IFT140: variants seen among roughly 807,000 people sequenced by gnomAD.
The protein encoded by IFT140 is intraflagellar transport protein 140 homolog.
Under a neutral mutation model 164.6 loss-of-function variants are expected in IFT140, and 133 were observed. The observed-to-expected ratio is 0.81, with a 90% CI of 0.70 to 0.93. The LOEUF (loss-of-function observed/expected upper bound fraction) is 0.93, where lower values mean the gene tolerates loss of function less well. Among genes scored for constraint, IFT140 ranks in the 40% least tolerant of loss-of-function variants. The pLI, the probability that IFT140 is intolerant of heterozygous loss-of-function variation, is 0.00. For missense variants in IFT140, 2,045 were observed against 1,972.3 expected (o/e 1.04, Z -0.70); for synonymous variants, 860 against 817.3 (o/e 1.05, Z -0.89).
intron 18 of IFT140, 136 bp from the exon 19 acceptor site, chr16:1,558,270 C>T: frequency 2.5e-6 from 2 of 800,528 alleles, no homozygotes; most frequent in Non-Finnish European, 4.0e-6. Context: ...ACCAACAGGC[C>T]CAGTCCCTGC....
At position 1,513,362 on chromosome 16, in the gene IFT140, G is replaced by A. The variant is rs187239742; in HGVS notation, c.4183-2212C>T. The stretch of plus-strand genomic sequence containing the variant: ...AAATAAATACAAAAATTAGCTGGGC[G>A]TGGTGGCGGGAACCTGTAGTCCCAG... On this transcript the variant is annotated intron_variant, in intron 30 of 30. Transcript: ENST00000426508. 2.7e-3 allele frequency: 410 copies of A among 152,208 alleles called. 2 individuals carry two copies. Among genetic ancestry groups the A allele is most frequent in the Non-Finnish European group, 4.2e-3 (288 of 68,016 alleles). 9.4% of individuals were successfully genotyped at this position (152,208 alleles called of 1,614,324 possible).
At chr16:1,597,063 C>T (rs150515269) in intron 4 of IFT140, among the ~76,000 whole-genome samples, 3 of 152,096 alleles carry the variant, frequency 2.0e-5, no homozygotes, top group African/African-American at 7.2e-5. Context: ...GGGTGCATCA[C>T]GGCATCAGAG....
chr16:1,546,830 GTT>G (rs888887135), intron 19 of IFT140, among the ~76,000 whole-genome samples: 1 of 152,228 alleles, frequency 6.6e-6, no homozygotes, highest in African/African-American at 2.4e-5. Context: ...CTGTACTTGG[GTT>G]GAGTCATATC....
intron 17 of IFT140, among the ~76,000 whole-genome samples, chr16:1,563,172 C>A (rs2033512744): frequency 6.6e-6 from 1 of 152,082 alleles, no homozygotes; most frequent in Non-Finnish European, 1.5e-5. Context: ...GCGCCTCGGG[C>A]AGTGTCTTCC....
At chr16:1,555,942 A>C (rs917951344) in intron 19 of IFT140, among the ~76,000 whole-genome samples, 1 of 152,048 alleles carries the variant, frequency 6.6e-6, no homozygotes, top group Non-Finnish European at 1.5e-5. Flanking sequence ...TCTCTACTAA[A>C]AATCCAAAAA....
Position 1,553,550 on chromosome 16 carries a change from G to C in IFT140, c.2399+4385C>G, listed in dbSNP as rs898091515. 40 of 1,002,306 alleles carry C rather than the reference G, an allele frequency of 4.0e-5. No individual in the cohort carries two copies. The highest frequency in any genetic ancestry group is 4.6e-5 in the Non-Finnish European group (39 of 839,128). The allele number at this position is 1,002,306 out of a possible 1,614,324, so 62.1% of individuals were successfully genotyped here. ...GACAAGTCCTCTATGGACAAGAGGGGCTGGAGAGTTTAATCTGGACCAGTG... is the reference window on the plus strand; with the variant it reads ...GACAAGTCCTCTATGGACAAGAGGGCCTGGAGAGTTTAATCTGGACCAGTG... On this transcript the variant is annotated intron_variant, in intron 19 of 30. Transcript: ENST00000426508. This position sits in a 1 kb window ranked among gnomAD's most constrained non-coding sequence, Gnocchi z 4.4.
rs547412802 is a variant in IFT140 at position 1,565,459 on chromosome 16, G to C, written c.1901+702C>G. On this transcript the variant is annotated intron_variant, in intron 16 of 30. Coordinates refer to ENST00000426508, the MANE Select transcript of IFT140 (RefSeq NM_014714.4). ...TGTGGGAGAGGCAGGGGGAATCCAG[G>C]GGGGCTGGACAGAAGGGGTGTGTCT... is the stretch of plus-strand genomic sequence containing the variant. 1.2e-3 allele frequency among the ~76,000 whole-genome samples: 178 copies of C among 152,254 alleles called. 3 individuals are homozygous for C. The highest frequency in any genetic ancestry group is 3.9e-4 in the Admixed American group (6 of 15,306).
intron 6 of IFT140, among the ~76,000 whole-genome samples, chr16:1,590,890 C>T (rs2035145221): frequency 6.6e-6 from 1 of 152,150 alleles, no homozygotes; most frequent in Non-Finnish European, 1.5e-5. Flanking sequence ...CCAGGCCTCC[C>T]AGGTGACTGA....
intron 3 of IFT140, chr16:1,604,318 G>GTGTGTGTGT (rs765604573): frequency 0.031 from 2,054 of 67,296 alleles, 48 homozygotes; most frequent in Admixed American, 0.04. Context: ...TGTGTGTGTG[G>GTGTGTGTGT]AGGGGGGAGC....
Position 1,549,796 on chromosome 16 carries a change from T to C in IFT140, c.2399+8139A>G, listed in dbSNP as rs547033990. The stretch of plus-strand genomic sequence containing the variant: ...CATGACTCAGGGTTGGCCTGCCCTG[T>C]TCCCTCCTGCTTTGTGACGGTCCCT... On this transcript the variant is annotated intron_variant, in intron 19 of 30. Transcript: ENST00000426508. Among the ~76,000 whole-genome samples, 178 of 152,140 alleles carry C rather than the reference T, an allele frequency of 1.2e-3. 1 individual carries two copies. The highest frequency in any genetic ancestry group is 4.1e-4 in the Non-Finnish European group (28 of 67,990).
rs1368999723 is a variant in IFT140, at chr16:1,562,180, G to A, written c.2068-64C>T. ...TAACTTACATAAATTTCTGGGGTAT[G>A]AGTGCCATTTTGCTACACACACTGC... is the stretch of plus-strand genomic sequence containing the variant. On this transcript the variant is annotated intron_variant, in intron 17 of 30. Coordinates refer to ENST00000426508, the MANE Select transcript of IFT140 (RefSeq NM_014714.4). The A allele has an allele frequency of 2.1e-6, 3 of 1,441,176 alleles. No individual in the cohort carries two copies. The African/African-American group carries it at 4.3e-5, about 21-fold the overall frequency. The allele number at this position is 1,441,176 out of a possible 1,614,324, so 89.3% of individuals were successfully genotyped here. A position where few individuals can be genotyped will look rare whatever the true frequency, so the allele number is the denominator to read the frequency against.
chr16:1,558,507 G>A (rs2033228104), intron 18 of IFT140, among the ~76,000 whole-genome samples: 1 of 152,264 alleles, frequency 6.6e-6, no homozygotes, highest in Non-Finnish European at 1.5e-5. Context: ...CCTGGGCAGT[G>A]AGGCCCCGCA....
intron 11 of IFT140, 61 bp from the exon 12 acceptor site, chr16:1,583,447 C>A: frequency 7.3e-7 from 1 of 1,374,084 alleles, no homozygotes; most frequent in Non-Finnish European, 1.0e-6. Flanking sequence ...AACTGTACAC[C>A]CCACTGCACA....
intron 26 of IFT140, among the ~76,000 whole-genome samples, chr16:1,522,029 C>A (rs2040542751): frequency 6.6e-6 from 1 of 151,786 alleles, no homozygotes; most frequent in East Asian, 1.9e-4. Flanking sequence ...TCGAGACCAG[C>A]CTGACCAACA....
chr16:1,542,121 G>C (rs2031711323), intron 19 of IFT140: 1 of 1,522,202 alleles, frequency 6.6e-7, no homozygotes, highest in Non-Finnish European at 8.8e-7. Flanking sequence ...TGCCCCCTGT[G>C]GCCTTCTGGT....
At chr16:1,590,742 T>C (rs1489350528) in intron 6 of IFT140, among the ~76,000 whole-genome samples, 1 of 152,172 alleles carries the variant, frequency 6.6e-6, no homozygotes, top group East Asian at 1.9e-4. Flanking sequence ...TTTTTCCCGA[T>C]GGATAATGAG....
At position 1,520,667 on chromosome 16, in the gene IFT140, A is replaced by G; in HGVS notation, c.3595T>C (p.Cys1199Arg). Residue 1199 changes from cysteine to arginine, a missense_variant, in exon 27 of 31, where the codon TGC (cysteine) becomes CGC (arginine). Coordinates refer to ENST00000426508, the MANE Select transcript of IFT140 (RefSeq NM_014714.4). The part of the protein sequence containing the change: ...RELLEQIADC[C>R]MRQGSYHLAT... ...AGGTGGTAGCTGCCCTGGCGCATGC[A>G]GCAGTCTGCTATCTGCTCCAGCAGC... is the stretch of plus-strand genomic sequence containing the variant. 2 of 1,607,258 alleles carry G rather than the reference A, an allele frequency of 1.2e-6. No homozygotes were observed. The highest frequency in any genetic ancestry group is 8.5e-7 in the Non-Finnish European group (1 of 1,176,754).
At chr16:1,524,438 G>C (rs1295156345) in intron 24 of IFT140, 114 bp downstream of exon 24, 27 of 1,400,384 alleles carry the variant, frequency 1.9e-5, no homozygotes, top group Non-Finnish European at 2.6e-5. Flanking sequence ...GTGAGTGGCA[G>C]ACACTGGCCG....
At chr16:1,544,576 C>T (rs1424800469) in intron 19 of IFT140, among the ~76,000 whole-genome samples, 10 of 152,006 alleles carry the variant, frequency 6.6e-5, no homozygotes, top group Non-Finnish European at 1.2e-4. Flanking sequence ...GTGATCCACC[C>T]ACCTCAGCCT....
Sources: allele counts gnomAD v4.1 joint callset (sites outside exome capture counted in the v4.1 genomes callset), GRCh38; gene constraint gnomAD v4.1.1; non-coding constraint Gnocchi (gnomAD v3.1); transcripts MANE v1.5; gene names NCBI Gene and HGNC (gene_info 2026-07-23, HGNC 2026-07-21).